ARHGAP15: variants seen among roughly 807,000 people sequenced by gnomAD.
ARHGAP15 encodes Rho GTPase activating protein 15.
ARHGAP15 carries 51 observed loss-of-function variants against 63.7 expected under a neutral mutation model. That is an observed-to-expected ratio of 0.80 (90% confidence interval 0.64 to 1.01). The LOEUF is 1.01. Ranked by LOEUF, ARHGAP15 falls within the 50% of genes least tolerant of loss-of-function variation. ARHGAP15 has a pLI of 0.00. For synonymous variants in ARHGAP15, 191 were observed against 193.8 expected (o/e 0.99, Z 0.12); for missense variants, 560 against 564.6 (o/e 0.99, Z 0.08).
intron 11 of ARHGAP15, among the ~76,000 whole-genome samples, chr2:143,592,807 T>A (rs1402064873): frequency 6.6e-6 from 1 of 152,226 alleles, no homozygotes; most frequent in Non-Finnish European, 1.5e-5. Flanking sequence ...CCAGAAGAAT[T>A]GAGCTGTAGC....
intron 8 of ARHGAP15, among the ~76,000 whole-genome samples, chr2:143,459,533 C>T (rs1488898306): frequency 4.0e-5 from 6 of 151,862 alleles, no homozygotes; most frequent in Non-Finnish European, 7.4e-5. Context: ...ATGTGTGTGC[C>T]CACTCAGGGG....
At chr2:143,254,415 TAA>T (rs540309663) in intron 6 of ARHGAP15, among the ~76,000 whole-genome samples, 3 of 142,828 alleles carry the variant, frequency 2.1e-5, no homozygotes, top group African/African-American at 2.6e-5. Flanking sequence ...CAAGTTTGTT[TAA>T]AAAAAAAAAA....
At chr2:143,356,378 CAAAAG>C (rs1279758780) in intron 6 of ARHGAP15, among the ~76,000 whole-genome samples, 2 of 152,032 alleles carry the variant, frequency 1.3e-5, no homozygotes, top group Non-Finnish European at 2.9e-5. Flanking sequence ...CTCCAGGAAA[CAAAAG>C]AAATTGCAAC....
At chr2:143,566,214 T>C (rs1004461414) in intron 11 of ARHGAP15, among the ~76,000 whole-genome samples, 2 of 152,164 alleles carry the variant, frequency 1.3e-5, no homozygotes, top group African/African-American at 4.8e-5. Context: ...GATTCTATTA[T>C]GCCCTTATGT....
intron 9 of ARHGAP15, among the ~76,000 whole-genome samples, chr2:143,495,476 C>T (rs923694957): frequency 6.6e-6 from 1 of 152,080 alleles, no homozygotes; most frequent in South Asian, 2.1e-4. Context: ...TAACTACACT[C>T]ACTTATATAG....
intron 6 of ARHGAP15, among the ~76,000 whole-genome samples, chr2:143,393,726 TAAAAAAAA>T (rs10593584): frequency 1.5e-4 from 9 of 61,468 alleles, no homozygotes; most frequent in Non-Finnish European, 2.1e-4. Flanking sequence ...AGACTCTGTC[TAAAAAAAA>T]AAAAAAAAAA....
rs1683898217 is a variant in ARHGAP15 at position 143,319,474 on chromosome 2, G to T, written c.474+68874G>T. On this transcript the variant is annotated intron_variant, in intron 6 of 13. Coordinates refer to ENST00000295095, the MANE Select transcript of ARHGAP15 (RefSeq NM_018460.4). The stretch of plus-strand genomic sequence containing the variant: ...TGACCTCAGGTGATTCACCCGCTTC[G>T]GCCTGCCAAAGTGCTGGGATTACAG... 2.6e-5 allele frequency among the ~76,000 whole-genome samples: 4 copies of T among 151,922 alleles called. No individual in the cohort carries two copies. The South Asian group carries it at 8.3e-4, about 32-fold the overall frequency.
chr2:143,330,119 AAAAAAAAAAAAACC>A (rs1558897884), intron 6 of ARHGAP15, among the ~76,000 whole-genome samples: 12 of 67,150 alleles, frequency 1.8e-4, no homozygotes, highest in Non-Finnish European at 3.2e-4. Flanking sequence ...AAAAAAAAAA[AAAAAAAAAAAAACC>A]AAAAACAAAA....
chr2:143,266,240 T>TC (rs1369033218), intron 6 of ARHGAP15, among the ~76,000 whole-genome samples: 1 of 127,692 alleles, frequency 7.8e-6, no homozygotes. Context: ...TCACTTCATA[T>TC]AAAATGCCCT....
intron 11 of ARHGAP15, among the ~76,000 whole-genome samples, chr2:143,613,833 C>A (rs1698354845): frequency 6.6e-6 from 1 of 152,136 alleles, no homozygotes; most frequent in South Asian, 2.1e-4. Flanking sequence ...TTTGGACACA[C>A]CACCCCTCTT....
chr2:143,639,703 G>A (rs1289507246), intron 12 of ARHGAP15, among the ~76,000 whole-genome samples: 2 of 151,982 alleles, frequency 1.3e-5, no homozygotes, highest in African/African-American at 4.8e-5. Flanking sequence ...TTAATTAAAA[G>A]GTGAAACTGC....
chr2:143,394,368 A>C (rs1049276463), intron 6 of ARHGAP15, among the ~76,000 whole-genome samples: 28 of 152,204 alleles, frequency 1.8e-4, no homozygotes, highest in African/African-American at 6.5e-4. Context: ...AGTTGTAAAA[A>C]AAGAAGACTG....
intron 5 of ARHGAP15, among the ~76,000 whole-genome samples, chr2:143,233,707 C>T (rs1272649271): frequency 6.8e-6 from 1 of 147,874 alleles, no homozygotes; most frequent in East Asian, 2.0e-4. Context: ...AGTGCAGTGG[C>T]ATGATCTTGG....
intron 6 of ARHGAP15, among the ~76,000 whole-genome samples, chr2:143,428,230 G>A (rs1689216842): frequency 6.6e-6 from 1 of 151,986 alleles, no homozygotes. Flanking sequence ...CTAGGCAGCA[G>A]GAACAACCTG....
intron 7 of ARHGAP15, among the ~76,000 whole-genome samples, chr2:143,436,164 C>G (rs1283437803): frequency 6.6e-6 from 1 of 152,038 alleles, no homozygotes; most frequent in African/African-American, 2.4e-5. Flanking sequence ...AATTACATAT[C>G]TAGAACTTCA....
At chr2:143,476,515 T>C (rs897068819) in intron 8 of ARHGAP15, among the ~76,000 whole-genome samples, 11 of 152,194 alleles carry the variant, frequency 7.2e-5, no homozygotes, top group African/African-American at 2.4e-4. Context: ...CCTATGCATA[T>C]GTGTGTGTGG....
At chr2:143,182,667 C>T in intron 2 of ARHGAP15, among the ~76,000 whole-genome samples, 1 of 152,124 alleles carries the variant, frequency 6.6e-6, no homozygotes, top group East Asian at 1.9e-4. Context: ...TGAGGACTGG[C>T]CCTAGTAAGG....
intron 6 of ARHGAP15, among the ~76,000 whole-genome samples, chr2:143,297,653 C>G (rs1053517669): frequency 2.0e-5 from 3 of 151,956 alleles, no homozygotes; most frequent in African/African-American, 7.2e-5. Context: ...GTGAGGAAAG[C>G]TATTGCCAGT....
At chr2:143,582,266 G>C (rs1215808752) in intron 11 of ARHGAP15, among the ~76,000 whole-genome samples, 1 of 152,154 alleles carries the variant, frequency 6.6e-6, no homozygotes, top group Non-Finnish European at 1.5e-5. Flanking sequence ...TAGTAGGTTA[G>C]AAGAAATCAT....
Sources: gnomAD v4.1 joint callset for allele counts (sites outside exome capture counted in the v4.1 genomes callset) on GRCh38, gnomAD v4.1.1 for gene constraint, MANE v1.5 for transcripts, NCBI Gene and HGNC (gene_info 2026-07-23, HGNC 2026-07-21) for gene names.